Variants in WRNIP1 observed in about 807,000 individuals in gnomAD.
WRNIP1 encodes WRN helicase interacting protein 1, also known as ATPase WRNIP1.
A neutral mutation model predicts 56.1 loss-of-function variants in WRNIP1; 41 were observed. That is an observed-to-expected ratio of 0.73 (90% CI 0.57 to 0.95). The LOEUF (loss-of-function observed/expected upper bound fraction) is 0.95. WRNIP1 is among the 40% of genes least tolerant of loss of function. The pLI, the probability that WRNIP1 is intolerant of heterozygous loss-of-function variation, is 0.00. For missense variants in WRNIP1, 1,170 were observed against 939.4 expected (o/e 1.25, Z -3.21); for synonymous variants, 547 against 398.1 (o/e 1.37, Z -4.45).
intron 3 of WRNIP1, among the ~76,000 whole-genome samples, chr6:2,776,740 C>T (rs1765442196): frequency 2.0e-5 from 3 of 152,174 alleles, no homozygotes; most frequent in Non-Finnish European, 4.4e-5. Flanking sequence ...GCAGTTTATA[C>T]TAGTAAATAC....
chr6:2,765,493 C>T lies in WRNIP1; in HGVS notation c.-130C>T. On this transcript the variant is annotated 5_prime_UTR_variant, in exon 1 of 7. Coordinates refer to ENST00000380773, the MANE Select transcript of WRNIP1 (RefSeq NM_020135.3). ...AGGCATGAGCGGCGCCCTCCTCCGGCCCGCGAGCGTCCTGCTGGTTCCCCG... is the reference window on the plus strand; with the variant it reads ...AGGCATGAGCGGCGCCCTCCTCCGGTCCGCGAGCGTCCTGCTGGTTCCCCG... 5 of 1,184,670 alleles carry T rather than the reference C, an allele frequency of 4.2e-6. No individual in the cohort carries two copies. Among genetic ancestry groups the T allele is most frequent in the Non-Finnish European group, 5.3e-6 (5 of 938,562 alleles). The allele number at this position is 1,184,670 out of a possible 1,614,324, so 73.4% of individuals were successfully genotyped here. A position where few individuals can be genotyped will look rare whatever the true frequency, so the allele number is the denominator to read the frequency against.
chr6:2,785,202 A>G lies in WRNIP1; in HGVS notation c.1918A>G (p.Met640Val), dbSNP rs1217743931. 2 of 1,614,182 alleles carry G rather than the reference A, an allele frequency of 1.2e-6. No individual in the cohort carries two copies. The highest frequency in any genetic ancestry group is 3.3e-5 in the Admixed American group (2 of 60,024). The part of the protein sequence containing the change: ...GYGKGYKYNP[M>V]YSEPVDQEYL... ...TGGCAAAGGCTACAAGTACAACCCC[A>G]TGTACAGCGAGCCTGTGGATCAGGA... The change falls in exon 7 of 7, where the codon ATG becomes GTG. Residue 640 changes from methionine (M) to valine (V), a missense_variant. By Grantham distance (21) the Met-to-Val change is conservative. Transcript: ENST00000380773.
chr6:2,769,388 A>G (rs2113455806), intron 2 of WRNIP1, among the ~76,000 whole-genome samples: 1 of 152,328 alleles, frequency 6.6e-6, no homozygotes, highest in East Asian at 1.9e-4. Context: ...CTATTTTTAT[A>G]AACAAAGCCA....
At chr6:2,774,391 C>T in intron 3 of WRNIP1, 1 of 571,204 alleles carries the variant, frequency 1.8e-6, no homozygotes, top group Non-Finnish European at 2.2e-6. Flanking sequence ...GCGATGCTCT[C>T]ATCCAGCATC....
rs1353806587 is a variant in WRNIP1, at chr6:2,765,633, G to C, written c.11G>C (p.Ser4Thr). The C allele has an allele frequency of 5.2e-6, 8 of 1,536,620 alleles. No individual in the cohort carries two copies. Among genetic ancestry groups the C allele is most frequent in the Non-Finnish European group, 7.0e-6 (8 of 1,150,376 alleles). ...AGGGCGGCGGCCGCCATGGAGGTGAGCGGGCCGGAAGACGACCCCTTCCTT... is the reference window on the plus strand; with the variant it reads ...AGGGCGGCGGCCGCCATGGAGGTGACCGGGCCGGAAGACGACCCCTTCCTT... The part of the protein sequence containing the change: MEV[S>T]GPEDDPFLSQ... The change falls in exon 1 of 7, where the codon AGC becomes ACC. Residue 4 changes from serine (S) to threonine (T), a missense_variant. Physicochemically the swap from Ser to Thr is moderately conservative, Grantham distance 58. Transcript: ENST00000380773.
chr6:2,784,007 T>G (rs1410357068), intron 5 of WRNIP1, among the ~76,000 whole-genome samples: 15 of 152,160 alleles, frequency 9.9e-5, no homozygotes, highest in Non-Finnish European at 1.0e-4. Flanking sequence ...GGATGTTTTG[T>G]TTTTAGTGTT....
chr6:2,782,983 C>T (rs1270465420), intron 4 of WRNIP1, among the ~76,000 whole-genome samples: 1 of 152,210 alleles, frequency 6.6e-6, no homozygotes, highest in Non-Finnish European at 1.5e-5. Flanking sequence ...CTGCCCTTGC[C>T]ACTTGGCTCT....
chr6:2,781,283 A>T (rs1446239036), intron 4 of WRNIP1, among the ~76,000 whole-genome samples: 1 of 152,188 alleles, frequency 6.6e-6, no homozygotes, highest in Non-Finnish European at 1.5e-5. Context: ...GAGGCTGCCT[A>T]GTGCCGCTGC....
intron 2 of WRNIP1, 99 bp from the exon 3 acceptor site, chr6:2,770,021 A>G: frequency 2.0e-6 from 3 of 1,530,658 alleles, no homozygotes; most frequent in Non-Finnish European, 2.7e-6. Context: ...TCGAAAGATA[A>G]AAATGAGGAA....
At chr6:2,783,674 G>GGCCT in intron 5 of WRNIP1, 113 bp downstream of exon 5, 1 of 643,076 alleles carries the variant, frequency 1.6e-6, no homozygotes, top group Admixed American at 3.7e-5. Flanking sequence ...GTGGGCGGGG[G>GGCCT]TAGCAGGAAG....
chr6:2,777,566 C>G (rs77574053), intron 3 of WRNIP1, among the ~76,000 whole-genome samples: 10,322 of 152,294 alleles, frequency 0.068, 489 homozygotes, highest in Non-Finnish European at 0.1. Context: ...TACCTGTCTT[C>G]CCACACAGGT....
chr6:2,784,473 G>C (rs923383071), intron 6 of WRNIP1, 70 bp downstream of exon 6: 1 of 1,488,780 alleles, frequency 6.7e-7, no homozygotes, highest in Admixed American at 1.8e-5. Flanking sequence ...TTGTAGATTT[G>C]AATAAATGTC....
In WRNIP1 at chr6:2,766,399, C is replaced by T. The variant is rs751073611; in HGVS notation, c.777C>T (p.Asn259=). 2 of 1,606,544 alleles carry T rather than the reference C, an allele frequency of 1.2e-6. No homozygotes were observed. The highest frequency in any genetic ancestry group is 1.7e-5 in the Admixed American group (1 of 59,470). ...TGCTGCGCTCGCTCCTGGAGACCAA[C>T]GAAATCCCCTCGCTTATCCTGTGGG... The part of the protein sequence containing the change: ...DTLLRSLLET[N]EIPSLILWGP... The change falls in exon 1 of 7, where the codon AAC becomes AAT. Residue 259 remains asparagine, a synonymous_variant. Coordinates refer to ENST00000380773, the MANE Select transcript of WRNIP1 (RefSeq NM_020135.3).
In WRNIP1 at chr6:2,786,844, G is replaced by T. The variant is rs918098643; in HGVS notation, c.*1562G>T. On this transcript the variant is annotated 3_prime_UTR_variant, in exon 7 of 7. Coordinates refer to ENST00000380773, the MANE Select transcript of WRNIP1 (RefSeq NM_020135.3). Reference sequence around the variant, plus strand: ...AAAGTCTGCACTGGGTACTTGTTGGGCCTTTCAATCTGGAAACTCCTTTCA... The same window carrying T: ...AAAGTCTGCACTGGGTACTTGTTGGTCCTTTCAATCTGGAAACTCCTTTCA... 10 of 152,084 alleles carry T rather than the reference G, an allele frequency of 6.6e-5. No homozygotes were observed. Among genetic ancestry groups the T allele is most frequent in the African/African-American group, 2.4e-4 (10 of 41,398 alleles). 9.4% of individuals were successfully genotyped at this position (152,084 alleles called of 1,614,324 possible). A position where few individuals can be genotyped will look rare whatever the true frequency, so the allele number is the denominator to read the frequency against.
Position 2,780,828 on chromosome 6 carries a change from G to A in WRNIP1, c.1486+1336G>A, listed in dbSNP as rs189007708. On this transcript the variant is annotated intron_variant, in intron 4 of 6. Coordinates refer to ENST00000380773, the MANE Select transcript of WRNIP1 (RefSeq NM_020135.3). ...CAAAGGATTTGCCTTGTTTTGATTG[G>A]AACGACTAGGACTGTTCTTTGACAT... 3.1e-3 allele frequency among the ~76,000 whole-genome samples: 468 copies of A among 152,160 alleles called. 15 individuals are homozygous for A. The highest frequency in any genetic ancestry group is 0.024 in the Admixed American group (362 of 15,288).
chr6:2,778,896 G>A (rs1444993586), intron 3 of WRNIP1, among the ~76,000 whole-genome samples: 2 of 152,296 alleles, frequency 1.3e-5, no homozygotes, highest in Admixed American at 1.3e-4. Flanking sequence ...TTCCATACAC[G>A]GTAATGAGGT....
intron 3 of WRNIP1, 56 bp from the exon 4 acceptor site, chr6:2,779,207 A>C (rs1207592510): frequency 3.2e-6 from 5 of 1,564,410 alleles, no homozygotes; most frequent in Non-Finnish European, 3.5e-6. Context: ...AGACATGTGC[A>C]GAACAAGAAG....
intron 3 of WRNIP1, among the ~76,000 whole-genome samples, chr6:2,777,990 C>G (rs1765471752): frequency 6.6e-6 from 1 of 152,196 alleles, no homozygotes; most frequent in Non-Finnish European, 1.5e-5. Context: ...AACTGGAAAT[C>G]AACTTTGGTA....
rs768879172 is a variant in WRNIP1 at position 2,783,533 on chromosome 6, G to A, written c.1614G>A (p.Arg538=). The A allele has an allele frequency of 1.2e-6, 2 of 1,612,834 alleles. No individual in the cohort carries two copies. The highest frequency in any genetic ancestry group is 1.7e-6 in the Non-Finnish European group (2 of 1,179,466). Residue 538 remains arginine, a synonymous_variant, in exon 5 of 7, where the codon AGG becomes AGA. Transcript: ENST00000380773. ...AGGACCCACTCTACGTGGCACGGAGGCTTGTCAGGTTTGCCAGCGAGGACA... is the reference window on the plus strand; with the variant it reads ...AGGACCCACTCTACGTGGCACGGAGACTTGTCAGGTTTGCCAGCGAGGACA... ...GGEDPLYVAR[R]LVRFASEDIG... is the part of the protein sequence containing the mutation.
Sources: gnomAD v4.1 joint callset for allele counts (sites outside exome capture counted in the v4.1 genomes callset) on GRCh38, gnomAD v4.1.1 for gene constraint, MANE v1.5 for transcripts, NCBI Gene and HGNC (gene_info 2026-07-23, HGNC 2026-07-21) for gene names.